Variants in DAP3 observed in about 807,000 individuals in gnomAD.
DAP3 encodes the protein small ribosomal subunit protein mS29.
A neutral mutation model predicts 51.9 loss-of-function variants in DAP3; 28 were observed. The observed-to-expected ratio is 0.54, with a 90% CI of 0.40 to 0.74. DAP3 has a LOEUF of 0.74. Among genes scored for constraint, DAP3 ranks in the 30% least tolerant of loss-of-function variants. The pLI is 0.00. For synonymous variants in DAP3, 170 were observed against 170.3 expected (o/e 1.00, Z 0.01); for missense variants, 458 against 483.5 (o/e 0.95, Z 0.49).
Position 155,692,065 on chromosome 1 carries a change from CAT to C in DAP3, c.-8+2893_-8+2894del, listed in dbSNP as rs1315185363. On this transcript the variant is annotated intron_variant, in intron 1 of 12. Transcript: ENST00000368336. ...TCAAAGGGAAGCAGTACGTCATACA[CAT>C]AATCTGTAGCAGTGGCGGTTTAAGT... Among the ~76,000 whole-genome samples, 4 of 141,808 alleles carry C rather than the reference CAT, an allele frequency of 2.8e-5. 1 individual carries two copies. The highest frequency in any genetic ancestry group is 1.3e-4 in the African/African-American group (4 of 31,270). The allele number at this position is 141,808 out of a possible 152,430, so 93.0% of individuals were successfully genotyped here.
upstream of DAP3, chr1:155,688,531 C>A: frequency 6.5e-7 from 1 of 1,543,868 alleles, no homozygotes; most frequent in African/African-American, 1.4e-5. Context: ...CTCCCACCAA[C>A]CACCACCTTC....
At chr1:155,688,380 G>C (rs1236850819), upstream of DAP3, 6 of 1,544,288 alleles carry the variant, frequency 3.9e-6, no homozygotes, top group African/African-American at 2.7e-5. Flanking sequence ...AGGGAGCTAA[G>C]GGCGCCTAGC....
chr1:155,688,472 G>A, upstream of DAP3: 4 of 1,549,714 alleles, frequency 2.6e-6, no homozygotes, highest in Non-Finnish European at 3.5e-6. Context: ...CATGTAGCGC[G>A]CACGTCAGCC....
chr1:155,703,865 G>A (rs748678283), intron 1 of DAP3, among the ~76,000 whole-genome samples: 2 of 152,298 alleles, frequency 1.3e-5, no homozygotes, highest in African/African-American at 2.4e-5. Flanking sequence ...AAACTAGTGA[G>A]GGCCAGGCAT....
rs1186152440 is a variant in DAP3, at chr1:155,735,474, G to A, written c.994-1472G>A. 2.0e-5 allele frequency among the ~76,000 whole-genome samples: 3 copies of A among 151,958 alleles called. No homozygotes were observed. In the South Asian group the frequency reaches 6.2e-4, roughly 32 times the overall value. On this transcript the variant is annotated intron_variant, in intron 11 of 12. Transcript: ENST00000368336. ...GGCATGTAATGCCAGCTACTCGTGA[G>A]GCTGAGACAGGAGAATCGCTTGAAC...
intron 1 of DAP3, among the ~76,000 whole-genome samples, chr1:155,702,271 C>A (rs1655394521): frequency 1.3e-5 from 2 of 151,478 alleles, no homozygotes; most frequent in Admixed American, 1.3e-4. Flanking sequence ...AGATCGAGAT[C>A]ATCCTGGCTA....
At chr1:155,730,959 T>G (rs554708591) in intron 9 of DAP3, among the ~76,000 whole-genome samples, 6 of 152,148 alleles carry the variant, frequency 3.9e-5, no homozygotes, top group Non-Finnish European at 5.9e-5. Flanking sequence ...CAATTATGTC[T>G]TAGTTGAGGG....
intron 3 of DAP3, among the ~76,000 whole-genome samples, chr1:155,720,067 G>A (rs1657798078): frequency 6.6e-6 from 1 of 151,878 alleles, no homozygotes; most frequent in African/African-American, 2.4e-5. Context: ...GCTCACGCCT[G>A]TAATCCCAAC....
intron 2 of DAP3, among the ~76,000 whole-genome samples, chr1:155,710,858 C>T (rs1656610027): frequency 6.6e-6 from 1 of 152,022 alleles, no homozygotes; most frequent in Non-Finnish European, 1.5e-5. Context: ...CAGAAGCTTA[C>T]AGTCCAGTAG....
intron 9 of DAP3, 33 bp downstream of exon 9, chr1:155,729,399 CTG>C: frequency 6.2e-7 from 1 of 1,607,966 alleles, no homozygotes; most frequent in Non-Finnish European, 8.5e-7. Flanking sequence ...TCTTGTTTCT[CTG>C]ATTTCTGATT....
At chr1:155,696,095 GC>G (rs371335470) in intron 1 of DAP3, among the ~76,000 whole-genome samples, 243 of 152,190 alleles carry the variant, frequency 1.6e-3, no homozygotes, top group African/African-American at 5.7e-3. Flanking sequence ...TTGCATATGA[GC>G]CTGTCCAATT....
chr1:155,729,694 G>T (rs1222668646), intron 9 of DAP3, among the ~76,000 whole-genome samples: 1 of 152,152 alleles, frequency 6.6e-6, no homozygotes, highest in Non-Finnish European at 1.5e-5. Flanking sequence ...TGAGGCCAGA[G>T]GATCACTTGA....
intron 3 of DAP3, among the ~76,000 whole-genome samples, 185 bp from the exon 4 acceptor site, chr1:155,721,332 T>A (rs1268487997): frequency 1.4e-5 from 2 of 147,968 alleles, no homozygotes; most frequent in Admixed American, 6.7e-5. Context: ...AACTCCATTT[T>A]AAAAATAATA....
In DAP3 at chr1:155,727,685, G is replaced by A; in HGVS notation, c.550G>A (p.Ala184Thr). 6.2e-7 allele frequency: 1 copy of A among 1,613,804 alleles called. No homozygotes were observed. Among genetic ancestry groups the A allele is most frequent in the East Asian group, 2.2e-5 (1 of 44,864 alleles). The change falls in exon 7 of 13, where the codon GCT (alanine) becomes ACT (threonine). Residue 184 changes from alanine to threonine, a missense_variant. Transcript: ENST00000368336. ...NKQRFDQPLE[A>T]STWLKNFKTT... ...ACAGCGCTTTGATCAACCTTTAGAGGCTTCAACCTGGCTGAAGAATTTCAA... is the reference window on the plus strand; with the variant it reads ...ACAGCGCTTTGATCAACCTTTAGAGACTTCAACCTGGCTGAAGAATTTCAA...
chr1:155,713,424 T>C (rs1368908925), intron 2 of DAP3, among the ~76,000 whole-genome samples: 2 of 152,250 alleles, frequency 1.3e-5, no homozygotes, highest in African/African-American at 4.8e-5. Flanking sequence ...CTACAAGTAA[T>C]GGTTCAGAAG....
In DAP3 at chr1:155,736,148, A is replaced by C. The variant is rs553309447; in HGVS notation, c.994-798A>C. On this transcript the variant is annotated intron_variant, in intron 11 of 12. Transcript: ENST00000368336. ...GCCACCGTGCCCGGCTAATTTTTGT[A>C]TTTTTAGTAGAGACAGTAATTTTGT... Among the ~76,000 whole-genome samples, 21 of 151,870 alleles carry C rather than the reference A, an allele frequency of 1.4e-4. No homozygotes were observed. In the South Asian group the frequency reaches 4.2e-3, roughly 30 times the overall value.
intron 1 of DAP3, among the ~76,000 whole-genome samples, chr1:155,698,717 A>T (rs1394795445): frequency 6.6e-6 from 1 of 152,230 alleles, no homozygotes; most frequent in Non-Finnish European, 1.5e-5. Flanking sequence ...ATTGTTCCAC[A>T]GCATAAAACA....
intron 2 of DAP3, among the ~76,000 whole-genome samples, chr1:155,712,612 C>CAAAAAA (rs61338392): frequency 5.4e-5 from 3 of 55,512 alleles, no homozygotes; most frequent in African/African-American, 1.4e-4. Flanking sequence ...AACTCCGTCT[C>CAAAAAA]AAAAAAAAAA....
chr1:155,695,500 CAA>C (rs1438438875), intron 1 of DAP3, among the ~76,000 whole-genome samples: 1 of 152,076 alleles, frequency 6.6e-6, no homozygotes, highest in Non-Finnish European at 1.5e-5. Context: ...TGGGGGAAAC[CAA>C]CAAGTCAGCT....
Sources: allele counts gnomAD v4.1 joint callset (sites outside exome capture counted in the v4.1 genomes callset), GRCh38; gene constraint gnomAD v4.1.1; transcripts MANE v1.5; gene names NCBI Gene and HGNC (gene_info 2026-07-23, HGNC 2026-07-21).